The following EPB41L2 variants were observed in gnomAD, a reference collection of about 807,000 sequenced individuals.
EPB41L2 encodes the protein band 4.1-like protein 2.
In EPB41L2, 43 loss-of-function variants were observed where a neutral mutation model predicts 113.0. The ratio of observed to expected loss-of-function variants is 0.38; its 90% CI spans 0.30 to 0.49. EPB41L2 has a LOEUF of 0.49. EPB41L2 is among the 20% of genes least tolerant of loss of function. The pLI, the probability that EPB41L2 is intolerant of heterozygous loss-of-function variation, is 0.95. For synonymous variants in EPB41L2, 442 were observed against 436.7 expected (o/e 1.01, Z -0.15); for missense variants, 1,147 against 1,223.4 (o/e 0.94, Z 0.93).
intron 13 of EPB41L2, among the ~76,000 whole-genome samples, chr6:130,878,943 G>T (rs540258857): frequency 6.6e-6 from 1 of 152,192 alleles, no homozygotes; most frequent in Admixed American, 6.5e-5. Context: ...ACAAAAGTGG[G>T]GTCTAGCCTC....
chr6:130,867,661 G>T, intron 15 of EPB41L2, 80 bp from the exon 16 acceptor site: 2 of 1,514,148 alleles, frequency 1.3e-6, no homozygotes, highest in Non-Finnish European at 1.8e-6. Context: ...ACAAATAATA[G>T]TAAGAAACAT....
chr6:130,894,220 A>G, intron 10 of EPB41L2, 124 bp downstream of exon 10: 1 of 707,924 alleles, frequency 1.4e-6, no homozygotes, highest in Non-Finnish European at 2.5e-6. Context: ...GAGTCTCAGT[A>G]TGTTCCCCAG....
chr6:130,950,354 C>T (rs1455772128), intron 3 of EPB41L2, among the ~76,000 whole-genome samples: 2 of 151,604 alleles, frequency 1.3e-5, no homozygotes, highest in Admixed American at 1.3e-4. Context: ...AAAAGGCAAA[C>T]GACACTAGAA....
At chr6:130,982,923 C>A (rs557412935) in intron 1 of EPB41L2, among the ~76,000 whole-genome samples, 2 of 152,192 alleles carry the variant, frequency 1.3e-5, no homozygotes, top group Non-Finnish European at 2.9e-5. Context: ...TGGAGTTAGA[C>A]AAACCTGAAT....
intron 1 of EPB41L2, among the ~76,000 whole-genome samples, chr6:131,022,507 A>G (rs1273714574): frequency 1.3e-5 from 2 of 152,220 alleles, no homozygotes; most frequent in Non-Finnish European, 2.9e-5. Context: ...TGAATAATAA[A>G]TTACTAACAG....
intron 3 of EPB41L2, among the ~76,000 whole-genome samples, chr6:130,937,821 G>GAGAAAAAAAA (rs796231218): frequency 9.2e-5 from 12 of 129,852 alleles, no homozygotes; most frequent in African/African-American, 4.1e-4. Context: ...ATCTCAAAAA[G>GAGAAAAAAAA]AAAAAAAAAA....
At chr6:131,034,405 C>T (rs991940952) in intron 1 of EPB41L2, among the ~76,000 whole-genome samples, 1 of 152,124 alleles carries the variant, frequency 6.6e-6, no homozygotes. Context: ...CCCAGGAATT[C>T]GAGATCAGTC....
intron 13 of EPB41L2, 158 bp from the exon 14 acceptor site, chr6:130,878,408 A>G: frequency 1.4e-6 from 1 of 710,778 alleles, no homozygotes; most frequent in East Asian, 3.1e-5. Flanking sequence ...CCATATTATT[A>G]TCTATGAGTA....
chr6:130,899,886 T>C (rs1795819127), intron 7 of EPB41L2, among the ~76,000 whole-genome samples: 1 of 152,236 alleles, frequency 6.6e-6, no homozygotes, highest in Non-Finnish European at 1.5e-5. Flanking sequence ...ACATAAGTAC[T>C]GGAGAATAAA....
At chr6:131,051,792 A>G (rs1196274241) in intron 1 of EPB41L2, among the ~76,000 whole-genome samples, 1 of 152,216 alleles carries the variant, frequency 6.6e-6, no homozygotes, top group Non-Finnish European at 1.5e-5. Context: ...CAACCAAACT[A>G]TAAGAGCAAC....
At chr6:130,959,202 G>A (rs1465635420) in intron 1 of EPB41L2, among the ~76,000 whole-genome samples, 2 of 152,064 alleles carry the variant, frequency 1.3e-5, no homozygotes, top group Admixed American at 1.3e-4. Flanking sequence ...ATGGAAATGG[G>A]GAACACCTGT....
chr6:130,847,152 C>G (rs190881790), intron 19 of EPB41L2, among the ~76,000 whole-genome samples: 5 of 152,158 alleles, frequency 3.3e-5, no homozygotes, highest in Non-Finnish European at 7.3e-5. Context: ...TTGCTTTTCC[C>G]GACATCCTTC....
At chr6:131,061,196 T>C (rs976285339) in intron 1 of EPB41L2, among the ~76,000 whole-genome samples, 1 of 152,160 alleles carries the variant, frequency 6.6e-6, no homozygotes, top group African/African-American at 2.4e-5. Context: ...TTCCCGTTAC[T>C]CTAAATGAGC....
At chr6:131,060,871 T>C (rs1393383339) in intron 1 of EPB41L2, among the ~76,000 whole-genome samples, 1 of 152,228 alleles carries the variant, frequency 6.6e-6, no homozygotes, top group African/African-American at 2.4e-5. Flanking sequence ...AATTTCAGAT[T>C]TGAAATATAC....
chr6:130,994,909 T>C (rs1782715034), intron 1 of EPB41L2, among the ~76,000 whole-genome samples: 1 of 152,170 alleles, frequency 6.6e-6, no homozygotes, highest in Non-Finnish European at 1.5e-5. Flanking sequence ...GTCTCTTATC[T>C]ACCTATGACC....
At chr6:130,937,974 C>T (rs902781287) in intron 3 of EPB41L2, among the ~76,000 whole-genome samples, 1 of 152,162 alleles carries the variant, frequency 6.6e-6, no homozygotes, top group African/African-American at 2.4e-5. Context: ...ACAAGCCAGA[C>T]CCATTGAAAC....
chr6:131,020,795 T>C (rs909278265), intron 1 of EPB41L2, among the ~76,000 whole-genome samples: 2 of 148,130 alleles, frequency 1.4e-5, no homozygotes, highest in African/African-American at 2.4e-5. Context: ...TTGGAACAAT[T>C]TTTTGTTGTT....
chr6:130,954,153 C>T (rs1401079071), intron 3 of EPB41L2, among the ~76,000 whole-genome samples: 1 of 146,018 alleles, frequency 6.8e-6, no homozygotes, highest in Non-Finnish European at 1.5e-5. Flanking sequence ...CCCGGGTTCA[C>T]GCCATTCTCC....
rs1393535851 is a variant in EPB41L2, at chr6:130,890,485, A to C, written c.1488-19T>G. 6.3e-7 allele frequency: 1 copy of C among 1,577,558 alleles called. No individual in the cohort carries two copies. Among genetic ancestry groups the C allele is most frequent in the African/African-American group, 1.4e-5 (1 of 72,296 alleles). On this transcript the variant is annotated intron_variant, in intron 10 of 19. Coordinates refer to ENST00000337057, the MANE Select transcript of EPB41L2 (RefSeq NM_001431.4). The stretch of plus-strand genomic sequence containing the variant: ...AACAAGCCTATGGGAGGAAAAAAAA[A>C]AAAAAAGAGAGAGAGAAAGGGGAAG...
Sources: allele counts gnomAD v4.1 joint callset (sites outside exome capture counted in the v4.1 genomes callset), GRCh38; gene constraint gnomAD v4.1.1; transcripts MANE v1.5; gene names NCBI Gene and HGNC (gene_info 2026-07-23, HGNC 2026-07-21).